Variants in PCDHA12 observed in about 807,000 individuals in gnomAD.
PCDHA12 encodes protocadherin alpha 12.
In PCDHA12, 44 loss-of-function variants were observed where a neutral mutation model predicts 60.0. The ratio of observed to expected loss-of-function variants is 0.73; its 90% CI spans 0.58 to 0.94. The LOEUF (loss-of-function observed/expected upper bound fraction) is 0.94, where lower values mean the gene tolerates loss of function less well. PCDHA12 is among the 40% of genes least tolerant of loss of function. PCDHA12 has a pLI of 0.00. For missense variants in PCDHA12, 1,276 were observed against 1,239.7 expected (o/e 1.03, Z -0.44); for synonymous variants, 569 against 553.0 (o/e 1.03, Z -0.40).
intron 1 of PCDHA12, among the ~76,000 whole-genome samples, chr5:140,890,939 G>A (rs1236920048): frequency 6.6e-6 from 1 of 152,106 alleles, no homozygotes; most frequent in Admixed American, 6.6e-5. Flanking sequence ...GTCCAAAGAT[G>A]CTGGTGAGGA....
intron 1 of PCDHA12, among the ~76,000 whole-genome samples, chr5:140,905,079 T>C (rs2071581588): frequency 6.6e-6 from 1 of 152,168 alleles, no homozygotes; most frequent in Admixed American, 6.5e-5. Context: ...AGTTGCACTT[T>C]CTTTTGGGTT....
intron 3 of PCDHA12, among the ~76,000 whole-genome samples, chr5:140,994,795 G>A (rs2097650396): frequency 6.6e-6 from 1 of 152,184 alleles, no homozygotes; most frequent in Admixed American, 6.6e-5. Flanking sequence ...ATGCGTGCAT[G>A]CAAAAACAAA....
chr5:140,966,486 C>G (rs1563351032), intron 1 of PCDHA12: 1 of 432,846 alleles, frequency 2.3e-6, no homozygotes. Context: ...CTTTTCCCTC[C>G]CCCTGGAGCT....
rs201131092 is a variant in PCDHA12 at position 141,009,948 on chromosome 5, T to A, written c.*11T>A. ...AACAGTGACCAGTGAGGTCCTCAAATGGAAACAAGCCACTTAGCCAGTTTT... is the reference window on the plus strand; with the variant it reads ...AACAGTGACCAGTGAGGTCCTCAAAAGGAAACAAGCCACTTAGCCAGTTTT... On this transcript the variant is annotated 3_prime_UTR_variant, in exon 4 of 4. Coordinates refer to ENST00000398631, the MANE Select transcript of PCDHA12 (RefSeq NM_018903.4). The A allele has an allele frequency of 9.4e-6, 15 of 1,595,948 alleles. No homozygotes were observed. In the East Asian group the frequency reaches 3.4e-4, roughly 36 times the overall value.
At chr5:140,914,562 C>A (rs2076761052) in intron 1 of PCDHA12, among the ~76,000 whole-genome samples, 1 of 152,190 alleles carries the variant, frequency 6.6e-6, no homozygotes, top group East Asian at 1.9e-4. Flanking sequence ...AGAGTTTAGT[C>A]CATTTACATT....
intron 3 of PCDHA12, among the ~76,000 whole-genome samples, chr5:140,995,853 A>G (rs934469128): frequency 4.6e-5 from 7 of 152,220 alleles, no homozygotes. Context: ...TTTCTATCGT[A>G]TCACTTAATA....
rs147351924 is a variant in PCDHA12, at chr5:141,009,782, C to T, written c.2671C>T (p.Arg891Trp). 27 of 1,613,956 alleles carry T rather than the reference C, an allele frequency of 1.7e-5. No homozygotes were observed. The highest frequency in any genetic ancestry group is 9.9e-5 in the South Asian group (9 of 91,070). ...AGGATCTCCTGCAATCATCTCCATCCGGCAGGAGCCTACTAACAGCCAAAT... is the reference window on the plus strand; with the variant it reads ...AGGATCTCCTGCAATCATCTCCATCTGGCAGGAGCCTACTAACAGCCAAAT... ...IPGSPAIISI[R>W]QEPTNSQIDK... is the part of the protein sequence containing the mutation. The change falls in exon 4 of 4, where the codon CGG becomes TGG. Residue 891 changes from arginine (R) to tryptophan (W), a missense_variant. Coordinates refer to ENST00000398631, the MANE Select transcript of PCDHA12 (RefSeq NM_018903.4).
intron 1 of PCDHA12, among the ~76,000 whole-genome samples, chr5:140,904,057 G>T (rs1043471579): frequency 6.6e-6 from 1 of 151,986 alleles, no homozygotes; most frequent in Non-Finnish European, 1.5e-5. Context: ...ATTTCAATGG[G>T]TTTTTGGGGA....
intron 1 of PCDHA12, among the ~76,000 whole-genome samples, chr5:140,921,909 CATG>C (rs1554200522): frequency 6.6e-6 from 1 of 151,678 alleles, no homozygotes; most frequent in Non-Finnish European, 1.5e-5. Context: ...ATATATATTA[CATG>C]ATAAAACTTA....
At position 140,877,018 on chromosome 5, in the gene PCDHA12, A is replaced by C; in HGVS notation, c.1546A>C (p.Lys516Gln). Residue 516 changes from lysine to glutamine, a missense_variant, in exon 1 of 4, where the codon AAG becomes CAG. Transcript: ENST00000398631. ...CGTGTCGGTGCACGCGGAGAGCGGC[A>C]AGGTGTACGCGCTGCAGCCGCTAGA... ...SYVSVHAESG[K>Q]VYALQPLDHE... is the part of the protein sequence containing the mutation. 1 of 1,612,420 alleles carries C rather than the reference A, an allele frequency of 6.2e-7. No homozygotes were observed. Among genetic ancestry groups the C allele is most frequent in the Non-Finnish European group, 8.5e-7 (1 of 1,179,802 alleles).
In PCDHA12 at chr5:140,977,999, G is replaced by A. The variant is rs1185111218; in HGVS notation, c.2368-950G>A. Among the ~76,000 whole-genome samples the A allele has an allele frequency of 1.3e-5, 2 of 152,132 alleles. 1 individual carries two copies. The highest frequency in any genetic ancestry group is 4.8e-5 in the African/African-American group (2 of 41,406). ...AAACGCATCTAGAGGAGTGTCACAA[G>A]TTTTTCACAGTGACATTTTTGCTTA... On this transcript the variant is annotated intron_variant, in intron 1 of 3. Coordinates refer to ENST00000398631, the MANE Select transcript of PCDHA12 (RefSeq NM_018903.4).
intron 3 of PCDHA12, among the ~76,000 whole-genome samples, chr5:141,005,572 C>T (rs548748234): frequency 4.6e-5 from 7 of 151,094 alleles, no homozygotes; most frequent in East Asian, 1.9e-4. Context: ...CATGGTGGCG[C>T]GTGCCTGTAG....
In PCDHA12 at chr5:140,991,828, C is replaced by T. The variant is rs1554252431; in HGVS notation, c.2515+9265C>T. Among the ~76,000 whole-genome samples, 6 of 152,168 alleles carry T rather than the reference C, an allele frequency of 3.9e-5. No homozygotes were observed. The South Asian group carries it at 6.2e-4, about 16-fold the overall frequency. The stretch of plus-strand genomic sequence containing the variant: ...CTTCCGCATTTTTAGGCATTTATAA[C>T]GGCAGAACCGCACTTCCAGATACCA... On this transcript the variant is annotated intron_variant, in intron 3 of 3. Transcript: ENST00000398631.
At chr5:140,928,691 T>C (rs1554206164) in intron 1 of PCDHA12, 1 of 1,614,148 alleles carries the variant, frequency 6.2e-7, no homozygotes, top group East Asian at 2.2e-5. Context: ...TCCTACCACA[T>C]CTCCCGGGCG....
In PCDHA12 at chr5:140,875,910, G is replaced by A; in HGVS notation, c.438G>A (p.Ala146=). 1 of 1,614,172 alleles carries A rather than the reference G, an allele frequency of 6.2e-7. No homozygotes were observed. Among genetic ancestry groups the A allele is most frequent in the South Asian group, 1.1e-5 (1 of 91,078 alleles). Residue 146 remains alanine (A), a synonymous_variant, in exon 1 of 4, where the codon GCG becomes GCA. Coordinates refer to ENST00000398631, the MANE Select transcript of PCDHA12 (RefSeq NM_018903.4). ...AAAAGGTACCTGTTTCTGAATCTGCGCCTCTGGACTCTCATTTTCCTCTAG... is the reference window on the plus strand; with the variant it reads ...AAAAGGTACCTGTTTCTGAATCTGCACCTCTGGACTCTCATTTTCCTCTAG... ...REQKVPVSES[A]PLDSHFPLEG...
chr5:140,910,019 T>C (rs2074838579), intron 1 of PCDHA12, among the ~76,000 whole-genome samples: 1 of 152,222 alleles, frequency 6.6e-6, no homozygotes, highest in Non-Finnish European at 1.5e-5. Flanking sequence ...CATCCTTGTA[T>C]CCCTGGGATA....
chr5:140,982,662 T>C (rs1325546785), intron 3 of PCDHA12, 99 bp downstream of exon 3: 4 of 1,476,284 alleles, frequency 2.7e-6, no homozygotes, highest in Admixed American at 2.6e-5. Context: ...CTTTTTCTTT[T>C]ATATTTTTGT....
At chr5:140,898,894 G>A (rs1200031286) in intron 1 of PCDHA12, among the ~76,000 whole-genome samples, 5 of 152,102 alleles carry the variant, frequency 3.3e-5, no homozygotes, top group African/African-American at 9.7e-5. Context: ...TCTCCTTGAA[G>A]AGGTCCTTCA....
At chr5:140,927,269 C>T in intron 1 of PCDHA12, 1 of 1,614,142 alleles carries the variant, frequency 6.2e-7, no homozygotes, top group Non-Finnish European at 8.5e-7. Context: ...CTCTTTCCTG[C>T]CGGCGACGTG....
Sources: gnomAD v4.1 joint callset for allele counts (sites outside exome capture counted in the v4.1 genomes callset) on GRCh38, gnomAD v4.1.1 for gene constraint, MANE v1.5 for transcripts, NCBI Gene and HGNC (gene_info 2026-07-23, HGNC 2026-07-21) for gene names.